Variants in GRID2 observed in about 807,000 individuals in gnomAD.
The protein encoded by GRID2 is glutamate receptor ionotropic, delta-2.
In GRID2, 33 loss-of-function variants were observed where a neutral mutation model predicts 114.8. The ratio of observed to expected loss-of-function variants is 0.29; its 90% confidence interval spans 0.22 to 0.38. GRID2 has a LOEUF of 0.38. GRID2 is among the 10% of genes least tolerant of loss of function. The pLI is 1.00. For synonymous variants in GRID2, 505 were observed against 449.9 expected (o/e 1.12, Z -1.55); for missense variants, 1,184 against 1,257.7 (o/e 0.94, Z 0.89).
rs749790235 is a variant in GRID2, at chr4:92,460,032, C to CTCTATATATA, written c.89-130098_89-130097insCTATATATAT. ...AGCCCATTCCTTAAAATAAATCTCA[C>CTCTATATATA]TATATATATATATATATATATACAC... On this transcript the variant is annotated intron_variant, in intron 1 of 15. Coordinates refer to ENST00000282020, the MANE Select transcript of GRID2 (RefSeq NM_001510.4). 3.7e-4 allele frequency among the ~76,000 whole-genome samples: 18 copies of CTCTATATATA among 48,424 alleles called. 1 individual carries two copies. The highest frequency in any genetic ancestry group is 1.3e-3 in the African/African-American group (13 of 9,888). 31.8% of individuals were successfully genotyped at this position (48,424 alleles called of 152,430 possible).
chr4:93,081,264 CA>C (rs998369075), intron 2 of GRID2, among the ~76,000 whole-genome samples: 19 of 152,032 alleles, frequency 1.2e-4, no homozygotes, highest in Non-Finnish European at 2.5e-4. Context: ...ATGATGCTAC[CA>C]AAAAATATTT....
intron 2 of GRID2, among the ~76,000 whole-genome samples, chr4:92,971,034 G>T (rs1309486332): frequency 4.6e-5 from 7 of 151,668 alleles, no homozygotes; most frequent in Non-Finnish European, 1.5e-5. Context: ...AATTTGTACA[G>T]AAGAAGACTC....
At chr4:93,438,173 A>G (rs1721280931) in intron 10 of GRID2, among the ~76,000 whole-genome samples, 1 of 152,128 alleles carries the variant, frequency 6.6e-6, no homozygotes. Flanking sequence ...GGAGTGGAAG[A>G]TACTTTTCCT....
intron 2 of GRID2, among the ~76,000 whole-genome samples, chr4:92,966,966 C>T (rs1257789261): frequency 1.3e-5 from 2 of 151,814 alleles, no homozygotes; most frequent in Admixed American, 6.6e-5. Flanking sequence ...TGATCATTTT[C>T]GGATGAGAAA....
rs1237858214 is a variant in GRID2 at position 93,086,463 on chromosome 4, C to T, written c.529+1184C>T. On this transcript the variant is annotated intron_variant, in intron 3 of 15. Coordinates refer to ENST00000282020, the MANE Select transcript of GRID2 (RefSeq NM_001510.4). ...AGGAATCAACAAATAAGAAAGAGCT[C>T]CTGTGGACTCTCAGGGAGGGAGAGC... 2.0e-5 allele frequency among the ~76,000 whole-genome samples: 3 copies of T among 152,112 alleles called. No homozygotes were observed. In the East Asian group the frequency reaches 5.8e-4, roughly 29 times the overall value.
intron 1 of GRID2, among the ~76,000 whole-genome samples, chr4:92,444,673 A>T (rs1733350674): frequency 6.6e-6 from 1 of 152,146 alleles, no homozygotes; most frequent in Admixed American, 6.5e-5. Context: ...TATGGATATA[A>T]TGTAAAAAGG....
chr4:92,682,560 A>G (rs527497498), intron 2 of GRID2, among the ~76,000 whole-genome samples: 1 of 152,298 alleles, frequency 6.6e-6, no homozygotes, highest in East Asian at 1.9e-4. Flanking sequence ...CAAGGAAAAA[A>G]ACTGGGAAGA....
intron 2 of GRID2, among the ~76,000 whole-genome samples, chr4:93,057,043 T>G (rs940124922): frequency 4.6e-5 from 7 of 151,766 alleles, no homozygotes; most frequent in African/African-American, 1.7e-4. Flanking sequence ...AGAATAAGCA[T>G]GCAAATAAAA....
intron 2 of GRID2, among the ~76,000 whole-genome samples, chr4:92,642,556 A>G (rs1003480052): frequency 1.3e-5 from 2 of 151,820 alleles, no homozygotes; most frequent in Non-Finnish European, 2.9e-5. Flanking sequence ...CATAGTTTGC[A>G]GATATGTTCT....
chr4:92,512,894 T>C (rs113049952), intron 1 of GRID2, among the ~76,000 whole-genome samples: 2,745 of 152,008 alleles, frequency 0.018, 93 homozygotes, highest in African/African-American at 0.063. Flanking sequence ...AAAGTATCAT[T>C]TTAATAGATG....
intron 8 of GRID2, among the ~76,000 whole-genome samples, chr4:93,290,921 A>C (rs1753682329): frequency 8.4e-6 from 1 of 118,660 alleles, no homozygotes; most frequent in Non-Finnish European, 1.6e-5. Context: ...TCTGTCGCCC[A>C]AGCTGGAGTG....
At chr4:92,998,428 C>A (rs567870385) in intron 2 of GRID2, among the ~76,000 whole-genome samples, 1 of 151,872 alleles carries the variant, frequency 6.6e-6, no homozygotes, top group African/African-American at 2.4e-5. Flanking sequence ...TGAGTTGCTT[C>A]GAAATTTAAT....
At chr4:92,998,368 AGTTCT>A (rs1347574193) in intron 2 of GRID2, among the ~76,000 whole-genome samples, 1 of 152,040 alleles carries the variant, frequency 6.6e-6, no homozygotes, top group Non-Finnish European at 1.5e-5. Flanking sequence ...ATGAAATAGA[AGTTCT>A]GAACATGTTC....
At chr4:93,119,457 T>A (rs1162700983) in intron 4 of GRID2, among the ~76,000 whole-genome samples, 2 of 152,148 alleles carry the variant, frequency 1.3e-5, no homozygotes, top group African/African-American at 2.4e-5. Flanking sequence ...GTCTTTAGTG[T>A]TTGGGTTTGA....
At chr4:93,378,257 A>G (rs1270593302) in intron 8 of GRID2, among the ~76,000 whole-genome samples, 1 of 152,166 alleles carries the variant, frequency 6.6e-6, no homozygotes, top group Non-Finnish European at 1.5e-5. Flanking sequence ...ACTTAAATTT[A>G]GATTTCAATG....
chr4:92,375,443 C>T (rs1729310018), intron 1 of GRID2, among the ~76,000 whole-genome samples: 1 of 152,120 alleles, frequency 6.6e-6, no homozygotes, highest in Admixed American at 6.5e-5. Flanking sequence ...TTATAGTATC[C>T]TCTACAAAAA....
intron 2 of GRID2, among the ~76,000 whole-genome samples, chr4:92,974,106 T>C (rs867416275): frequency 7.2e-5 from 11 of 152,204 alleles, no homozygotes; most frequent in South Asian, 6.2e-4. Flanking sequence ...TCACTGGTCA[T>C]TGGAGAAATG....
intron 2 of GRID2, among the ~76,000 whole-genome samples, chr4:92,975,536 A>G (rs1306787619): frequency 6.6e-6 from 1 of 152,142 alleles, no homozygotes; most frequent in Non-Finnish European, 1.5e-5. Flanking sequence ...TGTATACCAC[A>G]TCAGAATCAT....
At chr4:93,349,061 G>A (rs1760529212) in intron 8 of GRID2, among the ~76,000 whole-genome samples, 1 of 152,098 alleles carries the variant, frequency 6.6e-6, no homozygotes, top group South Asian at 2.1e-4. Flanking sequence ...GATAGATGCA[G>A]TCAGAATGGC....
Sources: allele counts gnomAD v4.1 joint callset (sites outside exome capture counted in the v4.1 genomes callset), GRCh38; gene constraint gnomAD v4.1.1; transcripts MANE v1.5; gene names NCBI Gene and HGNC (gene_info 2026-07-23, HGNC 2026-07-21).